Variants in BLTP3B observed in about 807,000 individuals in gnomAD.
BLTP3B encodes the protein UHRF1 (ICBP90) binding protein 1-like.
chr12:100,130,642 G>A, the BLTP3B span, among the ~76,000 whole-genome samples: 16 of 152,198 alleles, frequency 1.1e-4, no homozygotes, highest in African/African-American at 2.2e-4. Context: ...GGGGCTGGGC[G>A]CGGTGGCTCA....
the BLTP3B span, among the ~76,000 whole-genome samples, chr12:100,055,902 G>T: frequency 3.9e-5 from 6 of 152,012 alleles, no homozygotes; most frequent in African/African-American, 1.4e-4. Flanking sequence ...TGTTACTTTG[G>T]ATTCGTTATT....
At chr12:100,140,739 T>A in the BLTP3B span, among the ~76,000 whole-genome samples, 85 of 120,524 alleles carry the variant, frequency 7.1e-4, no homozygotes, top group African/African-American at 2.5e-3. Flanking sequence ...AATATATATA[T>A]ATATATATAT....
chr12:100,044,355 C>A, the BLTP3B span, among the ~76,000 whole-genome samples: 1 of 152,176 alleles, frequency 6.6e-6, no homozygotes, highest in African/African-American at 2.4e-5. Flanking sequence ...TCTTCTGTAG[C>A]ACTGTTAATG....
chr12:100,100,489 T>A, the BLTP3B span, among the ~76,000 whole-genome samples: 1 of 151,906 alleles, frequency 6.6e-6, no homozygotes, highest in Non-Finnish European at 1.5e-5. Context: ...GGGAGGAGGA[T>A]TGCTTGAGCC....
At chr12:100,136,115 G>T in the BLTP3B span, among the ~76,000 whole-genome samples, 1 of 151,558 alleles carries the variant, frequency 6.6e-6, no homozygotes, top group South Asian at 2.1e-4. Context: ...GGAGGCTAGG[G>T]CAGGAGTATT....
At chr12:100,074,472 G>A in the BLTP3B span, among the ~76,000 whole-genome samples, 8 of 151,938 alleles carry the variant, frequency 5.3e-5, no homozygotes, top group South Asian at 4.2e-4. Context: ...GGTGGCACAC[G>A]CCTGTAATCC....
the BLTP3B span, chr12:100,058,736 A>G: frequency 1.9e-6 from 3 of 1,613,970 alleles, no homozygotes; most frequent in Non-Finnish European, 1.7e-6. Context: ...TGCCAGTTAC[A>G]GCTTCTACAT....
At chr12:100,104,955 T>C in the BLTP3B span, among the ~76,000 whole-genome samples, 2 of 143,800 alleles carry the variant, frequency 1.4e-5, no homozygotes, top group Non-Finnish European at 3.0e-5. Flanking sequence ...GATCTCCACA[T>C]GGAGAACTAC....
chr12:100,070,181 A>G, the BLTP3B span: 17 of 1,560,752 alleles, frequency 1.1e-5, no homozygotes, highest in Non-Finnish European at 1.5e-5. Flanking sequence ...TGAGAGAAAC[A>G]AATGAGAAAC....
chr12:100,071,002 A>G, the BLTP3B span, among the ~76,000 whole-genome samples: 1 of 152,320 alleles, frequency 6.6e-6, no homozygotes, highest in South Asian at 2.1e-4. Context: ...CAGAAAAAAA[A>G]ACAACATATA....
chr12:100,120,287 T>C, the BLTP3B span, among the ~76,000 whole-genome samples: 1 of 152,164 alleles, frequency 6.6e-6, no homozygotes, highest in East Asian at 1.9e-4. Flanking sequence ...GAGGCAGAAT[T>C]GCTTGAACCT....
the BLTP3B span, chr12:100,084,544 A>G: frequency 6.2e-7 from 1 of 1,614,104 alleles, no homozygotes; most frequent in Non-Finnish European, 8.5e-7. Context: ...ATGATCCTTC[A>G]CAGCCTGTTT....
the BLTP3B span, among the ~76,000 whole-genome samples, chr12:100,061,632 G>C: frequency 6.8e-6 from 1 of 147,154 alleles, no homozygotes; most frequent in African/African-American, 2.5e-5. Context: ...ACTCCAGCCT[G>C]GATGACAGAG....
At chr12:100,054,535 GA>G in the BLTP3B span, among the ~76,000 whole-genome samples, 1 of 152,002 alleles carries the variant, frequency 6.6e-6, no homozygotes, top group Admixed American at 6.6e-5. Context: ...CATTGTTTTT[GA>G]AATATATTTT....
chr12:100,063,637 C>T, the BLTP3B span, among the ~76,000 whole-genome samples: 1,052 of 148,396 alleles, frequency 7.1e-3, 15 homozygotes, highest in African/African-American at 0.025. Context: ...GCCCAGGAGA[C>T]GAAGGTTGCG....
chr12:100,142,862 A>G, the BLTP3B span: 15 of 488,304 alleles, frequency 3.1e-5, no homozygotes, highest in African/African-American at 1.5e-4. Flanking sequence ...CTGCAGCATC[A>G]CCTAAGAGAC....
chr12:100,137,002 G>T, the BLTP3B span, among the ~76,000 whole-genome samples: 13 of 151,900 alleles, frequency 8.6e-5, no homozygotes, highest in Admixed American at 8.5e-4. Flanking sequence ...GTAGAGACAG[G>T]GTTTCACCGT....
the BLTP3B span, among the ~76,000 whole-genome samples, chr12:100,054,565 C>G: frequency 6.6e-6 from 1 of 151,970 alleles, no homozygotes; most frequent in Non-Finnish European, 1.5e-5. Flanking sequence ...GACAAAAATC[C>G]TCTATTAAGG....
At chr12:100,124,742 T>A in the BLTP3B span, among the ~76,000 whole-genome samples, 6 of 149,608 alleles carry the variant, frequency 4.0e-5, no homozygotes, top group South Asian at 1.3e-3. Context: ...TGAGACTCCA[T>A]CTCAAAAAAT....
Sources: gnomAD v4.1 joint callset for allele counts (sites outside exome capture counted in the v4.1 genomes callset) on GRCh38, gnomAD v4.1.1 for gene constraint, MANE v1.5 for transcripts, NCBI Gene and HGNC (gene_info 2026-07-23, HGNC 2026-07-21) for gene names.